Variants in PAK3 observed in about 807,000 individuals in gnomAD.
The protein encoded by PAK3 is serine/threonine-protein kinase PAK 3.
In PAK3, 4 loss-of-function variants were observed where a neutral mutation model predicts 41.0. That is an observed-to-expected ratio of 0.10 (90% CI 0.05 to 0.22). The LOEUF is 0.22. PAK3 is among the 10% of genes least tolerant of loss of function. PAK3 has a pLI of 1.00. For missense variants in PAK3, 205 were observed against 409.9 expected (o/e 0.50, Z 4.32); for synonymous variants, 146 against 139.6 (o/e 1.05, Z -0.32).
At chrX:111,052,675 G>A (rs1760909734) in intron 1 of PAK3, among the ~76,000 whole-genome samples, 1 of 112,306 alleles carries the variant, frequency 8.9e-6, no homozygotes, top group Admixed American at 9.4e-5. Context: ...TTGAAGCAAG[G>A]TTCTCTAACC....
At chrX:111,172,080 A>G (rs1011067313) in intron 10 of PAK3, among the ~76,000 whole-genome samples, 5 of 111,915 alleles carry the variant, frequency 4.5e-5, no homozygotes, top group Non-Finnish European at 9.4e-5. Context: ...AATTGGATAT[A>G]GCATAGTGCT....
At chrX:111,095,065 A>G (rs1294526932), upstream of PAK3, among the ~76,000 whole-genome samples, 3 of 111,282 alleles carry the variant, frequency 2.7e-5, no homozygotes, top group African/African-American at 9.8e-5. Flanking sequence ...CTTGAAACCT[A>G]TTTTGTTGGC....
At chrX:111,066,658 T>C (rs2092704105) in intron 1 of PAK3, among the ~76,000 whole-genome samples, 1 of 112,129 alleles carries the variant, frequency 8.9e-6, no homozygotes, top group African/African-American at 3.2e-5. Context: ...ATGCTGTCAG[T>C]GGGGTGATAA....
At chrX:111,152,278 A>G in intron 7 of PAK3, 132 bp from the exon 8 acceptor site, 3 of 484,569 alleles carry the variant, frequency 6.2e-6, no homozygotes, top group Non-Finnish European at 1.1e-5. Context: ...CATAATATCT[A>G]GTTAATACTA....
intron 1 of PAK3, among the ~76,000 whole-genome samples, chrX:111,032,691 G>A (rs185254980): frequency 9.0e-6 from 1 of 111,551 alleles, no homozygotes. Flanking sequence ...ATCTGATGGG[G>A]GCAATTTTGC....
chrX:110,953,864 C>T (rs1300004895), intron 1 of PAK3, among the ~76,000 whole-genome samples: 1 of 111,833 alleles, frequency 8.9e-6, no homozygotes, highest in South Asian at 3.8e-4. Flanking sequence ...ATTTCAAGCC[C>T]TTTGGCACAC....
intron 16 of PAK3, among the ~76,000 whole-genome samples, chrX:111,200,610 T>C (rs2094671405): frequency 8.9e-6 from 1 of 112,267 alleles, no homozygotes; most frequent in South Asian, 3.7e-4. Flanking sequence ...GATAATTACA[T>C]GGGCTTTTCC....
chrX:111,163,671 C>T lies in PAK3; in HGVS notation c.710C>T (p.Thr237Ile). 4 of 1,203,078 alleles carry T rather than the reference C, an allele frequency of 3.3e-6. No individual in the cohort carries two copies. Among genetic ancestry groups the T allele is most frequent in the Non-Finnish European group, 4.5e-6 (4 of 887,797 alleles). ...AATTCCAGTACTTTGTACAGGAACA[C>T]AGATCGGCAAAGAAAAAAATCCAAG... is the stretch of plus-strand genomic sequence containing the variant. ...NANSSTLYRN[T>I]DRQRKKSKMT... Residue 237 changes from threonine to isoleucine, a missense_variant, in exon 10 of 18, where the codon ACA becomes ATA. Thr to Ile is a moderately conservative substitution (Grantham distance 89). Transcript: ENST00000372007.
intron 1 of PAK3, among the ~76,000 whole-genome samples, chrX:111,050,935 G>A (rs950679879): frequency 1.8e-5 from 2 of 112,044 alleles, no homozygotes; most frequent in African/African-American, 3.2e-5. Flanking sequence ...TGGTGGGACA[G>A]GGCAGGCAGG....
intron 1 of PAK3, among the ~76,000 whole-genome samples, chrX:111,000,119 C>A (rs893797582): frequency 1.3e-4 from 14 of 111,469 alleles, no homozygotes; most frequent in African/African-American, 3.9e-4. Context: ...CCATACCCAA[C>A]CATATTACCT....
intron 1 of PAK3, among the ~76,000 whole-genome samples, chrX:110,996,566 A>G (rs1442705614): frequency 1.8e-5 from 2 of 111,874 alleles, no homozygotes; most frequent in African/African-American, 6.5e-5. Flanking sequence ...AGATGAGGTC[A>G]TGAGGGTGGG....
chrX:111,178,980 TAG>T (rs1556239020), intron 11 of PAK3, among the ~76,000 whole-genome samples: 1 of 91,612 alleles, frequency 1.1e-5, no homozygotes, highest in Non-Finnish European at 2.1e-5. Flanking sequence ...TATATATATA[TAG>T]AGAGAGAGAT....
chrX:110,951,151 A>G (rs1483382130), intron 1 of PAK3, among the ~76,000 whole-genome samples: 2 of 111,668 alleles, frequency 1.8e-5, no homozygotes, highest in African/African-American at 6.5e-5. Context: ...TCTGCTTCTG[A>G]TAACTGGGTT....
chrX:111,182,994 C>T (rs996390555), intron 11 of PAK3, among the ~76,000 whole-genome samples: 5 of 111,289 alleles, frequency 4.5e-5, no homozygotes, highest in Non-Finnish European at 7.6e-5. Context: ...TTTGGGGAGG[C>T]GGCTTAGCAT....
intron 1 of PAK3, among the ~76,000 whole-genome samples, chrX:111,065,504 G>C (rs138742564): frequency 9.0e-6 from 1 of 110,664 alleles, no homozygotes; most frequent in Non-Finnish European, 1.9e-5. Context: ...AGGGATATTG[G>C]CCTGTAGTTT....
At chrX:111,131,565 A>C (rs781312975) in intron 5 of PAK3, among the ~76,000 whole-genome samples, 2 of 111,118 alleles carry the variant, frequency 1.8e-5, no homozygotes, top group South Asian at 7.6e-4. Context: ...AAAAAAAAAA[A>C]TAAATTTGTA....
intron 1 of PAK3, among the ~76,000 whole-genome samples, chrX:110,965,234 C>T (rs559753319): frequency 8.9e-5 from 10 of 111,935 alleles, no homozygotes; most frequent in African/African-American, 2.9e-4. Flanking sequence ...GCAAATGGGA[C>T]GGAGAAAATC....
chrX:111,167,937 G>T (rs1053707596), intron 10 of PAK3, among the ~76,000 whole-genome samples: 2 of 111,195 alleles, frequency 1.8e-5, no homozygotes, highest in Non-Finnish European at 3.8e-5. Context: ...GTAAAGTTGT[G>T]TAATACAGGA....
At chrX:110,952,260 G>A (rs745477303) in intron 1 of PAK3, among the ~76,000 whole-genome samples, 1 of 111,834 alleles carries the variant, frequency 8.9e-6, no homozygotes, top group East Asian at 2.8e-4. Flanking sequence ...AGTCTGAGTG[G>A]TAGTTTATGT....
Sources: allele counts gnomAD v4.1 joint callset (sites outside exome capture counted in the v4.1 genomes callset), GRCh38; gene constraint gnomAD v4.1.1; transcripts MANE v1.5; gene names NCBI Gene and HGNC (gene_info 2026-07-23, HGNC 2026-07-21).